Variants in TEX14 observed in about 807,000 individuals in gnomAD.
The protein encoded by TEX14 is inactive serine/threonine-protein kinase TEX14.
In TEX14, 168 loss-of-function variants were observed where a neutral mutation model predicts 178.6. The observed-to-expected ratio is 0.94, with a 90% CI of 0.83 to 1.07. The LOEUF is 1.07. TEX14 is among the 50% of genes least tolerant of loss of function. The probability of loss-of-function intolerance (pLI) is 0.00; values close to 1 mark genes in which losing one functional copy is unlikely to be tolerated. For missense variants in TEX14, 1,730 were observed against 1,753.6 expected (o/e 0.99, Z 0.24); for synonymous variants, 626 against 634.1 (o/e 0.99, Z 0.19).
At chr17:58,610,424 C>T (rs1027429713) in intron 10 of TEX14, among the ~76,000 whole-genome samples, 1 of 152,154 alleles carries the variant, frequency 6.6e-6, no homozygotes, top group African/African-American at 2.4e-5. Context: ...CCACTGTGTC[C>T]CCTCCATGTT....
At chr17:58,593,856 G>A (rs1260315224) in intron 14 of TEX14, among the ~76,000 whole-genome samples, 195 bp from the exon 15 acceptor site, 1 of 152,052 alleles carries the variant, frequency 6.6e-6, no homozygotes, top group East Asian at 1.9e-4. Context: ...TTTATTTTGA[G>A]ACGGAGTCTG....
rs774339304 is a variant in TEX14 at position 58,613,436 on chromosome 17, A to C, written c.990T>G (p.Ser330Arg). The C allele has an allele frequency of 6.2e-7, 1 of 1,614,032 alleles. No individual in the cohort carries two copies. Among genetic ancestry groups the C allele is most frequent in the South Asian group, 1.1e-5 (1 of 91,076 alleles). The change falls in exon 9 of 32, where the codon AGT becomes AGG. Residue 330 changes from serine to arginine, a missense_variant. Ser to Arg is a moderately radical substitution (Grantham distance 110). This residue lies in a region of TEX14 where 789 missense variants were observed against 681.2 expected (regional missense o/e 1.16). Transcript: ENST00000349033. ...AGCAGTTTACTCGTTCATGAAGGACACTGAACAATGTGCCGATAGTGATGC... is the reference window on the plus strand; with the variant it reads ...AGCAGTTTACTCGTTCATGAAGGACCCTGAACAATGTGCCGATAGTGATGC... The part of the protein sequence containing the change: ...YERITIGTLF[S>R]VLHERRSQFP...
intron 15 of TEX14, among the ~76,000 whole-genome samples, chr17:58,591,581 A>G (rs1205455206): frequency 2.0e-5 from 3 of 152,132 alleles, no homozygotes; most frequent in Non-Finnish European, 4.4e-5. Flanking sequence ...CCTTACATAC[A>G]TATTTGCCAA....
At chr17:58,659,243 AC>A (rs1049890173) in intron 1 of TEX14, 1 of 637,410 alleles carries the variant, frequency 1.6e-6, no homozygotes. Context: ...CATAGTAAAA[AC>A]CCTCCCCCAA....
intron 14 of TEX14, among the ~76,000 whole-genome samples, chr17:58,598,251 T>C (rs1373766497): frequency 1.3e-5 from 2 of 150,768 alleles, no homozygotes; most frequent in African/African-American, 2.4e-5. Flanking sequence ...CAGGTGGAGG[T>C]TGTGGTGAGC....
Position 58,661,326 on chromosome 17 carries a change from T to C in TEX14, c.-1-9324A>G, listed in dbSNP as rs553245907. On this transcript the variant is annotated intron_variant, in intron 1 of 31. Transcript: ENST00000349033. The stretch of plus-strand genomic sequence containing the variant: ...CGCTTACGGGGGTTGACTTGTTTCA[T>C]GGTGAGGGCTCCTTGAAACGCTGGC... 3.9e-5 allele frequency: 34 copies of C among 873,202 alleles called. No homozygotes were observed. In the South Asian group the frequency reaches 4.1e-4, roughly 10 times the overall value. The allele number at this position is 873,202 out of a possible 1,614,324, so 54.1% of individuals were successfully genotyped here. A position where few individuals can be genotyped will look rare whatever the true frequency, so the allele number is the denominator to read the frequency against.
intron 1 of TEX14, among the ~76,000 whole-genome samples, chr17:58,689,777 C>G (rs2047660921): frequency 6.6e-6 from 1 of 151,524 alleles, no homozygotes; most frequent in African/African-American, 2.4e-5. Context: ...AGCATGACTA[C>G]AGAGCAAATT....
At chr17:58,595,208 T>A in intron 14 of TEX14, among the ~76,000 whole-genome samples, 1 of 152,312 alleles carries the variant, frequency 6.6e-6, no homozygotes, top group Middle Eastern at 3.4e-3. Context: ...TTTTAAGAAC[T>A]AAGAAATTAA....
At chr17:58,631,772 T>C (rs114445359) in intron 2 of TEX14, 3 of 152,088 alleles carry the variant, frequency 2.0e-5, no homozygotes, top group African/African-American at 7.2e-5. Flanking sequence ...TTTCCAGCGT[T>C]CTACACGTTC....
intron 2 of TEX14, among the ~76,000 whole-genome samples, chr17:58,642,362 G>T (rs917139962): frequency 4.6e-5 from 7 of 152,134 alleles, no homozygotes; most frequent in Middle Eastern, 3.4e-3. Flanking sequence ...TTATTCAACC[G>T]CCTCTCCTAA....
At chr17:58,637,012 A>AG (rs1449198677) in intron 2 of TEX14, among the ~76,000 whole-genome samples, 2 of 152,164 alleles carry the variant, frequency 1.3e-5, no homozygotes, top group East Asian at 3.8e-4. Flanking sequence ...GAATCACTTG[A>AG]GGTCAGCAGT....
chr17:58,586,786 A>G (rs1331993195), intron 17 of TEX14, among the ~76,000 whole-genome samples: 1 of 149,856 alleles, frequency 6.7e-6, no homozygotes, highest in African/African-American at 2.4e-5. Context: ...TCTGTGTGGC[A>G]CTTGCATGTT....
rs117467995 is a variant in TEX14 at position 58,632,284 on chromosome 17, C to G, written c.137-1730G>C. On this transcript the variant is annotated intron_variant, in intron 2 of 31. Transcript: ENST00000349033. The stretch of plus-strand genomic sequence containing the variant: ...ATAGCGCGCCCTATTATATTTTATA[C>G]TGTGATCAAAATTCCACACACTTAA... 8.3e-3 allele frequency among the ~76,000 whole-genome samples: 1,259 copies of G among 152,360 alleles called. 6 individuals carry two copies. The highest frequency in any genetic ancestry group is 0.014 in the Non-Finnish European group (919 of 68,030).
At chr17:58,656,730 G>A (rs1349124901) in intron 1 of TEX14, among the ~76,000 whole-genome samples, 1 of 148,494 alleles carries the variant, frequency 6.7e-6, no homozygotes, top group Non-Finnish European at 1.5e-5. Context: ...CTCCAGCCTA[G>A]GCAACACAGG....
chr17:58,683,377 C>T (rs160047), intron 1 of TEX14, among the ~76,000 whole-genome samples: 25,827 of 149,144 alleles, frequency 0.17, 2,349 homozygotes, highest in Non-Finnish European at 0.19. Context: ...CATCCCCCCC[C>T]CCAAAAAAAA....
intron 1 of TEX14, among the ~76,000 whole-genome samples, chr17:58,678,075 G>T (rs765342696): frequency 1.4e-4 from 21 of 152,154 alleles, no homozygotes; most frequent in Non-Finnish European, 2.5e-4. Flanking sequence ...GCTTGAACCT[G>T]GTAGGCAGAG....
intron 24 of TEX14, among the ~76,000 whole-genome samples, chr17:58,571,481 G>T (rs1161244015): frequency 6.6e-6 from 1 of 151,838 alleles, no homozygotes; most frequent in Non-Finnish European, 1.5e-5. Context: ...CAAGTGATCT[G>T]CCCGCCTCGG....
Position 58,599,479 on chromosome 17 carries a change from G to A in TEX14, c.1866C>T (p.Ile622=), listed in dbSNP as rs773629837. ...TCAAGCAGCCTGAGTAGATCTCGTTGATTTCGAAACTGCAGAGGCTTGGCT... is the reference window on the plus strand; with the variant it reads ...TCAAGCAGCCTGAGTAGATCTCGTTAATTTCGAAACTGCAGAGGCTTGGCT... The part of the protein sequence containing the change: ...TGQPSLCSFE[I]NEIYSGCLIL... Residue 622 remains isoleucine (I), a synonymous_variant, in exon 14 of 32, where the codon ATC becomes ATT. Coordinates refer to ENST00000349033, the MANE Select transcript of TEX14 (RefSeq NM_031272.5). 1 of 1,613,170 alleles carries A rather than the reference G, an allele frequency of 6.2e-7. No individual in the cohort carries two copies. Among genetic ancestry groups the A allele is most frequent in the Non-Finnish European group, 8.5e-7 (1 of 1,179,756 alleles).
chr17:58,602,163 C>T (rs1028097749), intron 12 of TEX14, among the ~76,000 whole-genome samples: 1 of 152,194 alleles, frequency 6.6e-6, no homozygotes, highest in African/African-American at 2.4e-5. Context: ...CACTAAGTGC[C>T]TACAGGGTGC....
Sources: gnomAD v4.1 joint callset for allele counts (sites outside exome capture counted in the v4.1 genomes callset) on GRCh38, gnomAD v4.1.1 for gene constraint, gnomAD v4.1.1 regional missense constraint, MANE v1.5 for transcripts, NCBI Gene and HGNC (gene_info 2026-07-23, HGNC 2026-07-21) for gene names.